ROBO2: variants seen among roughly 807,000 people sequenced by gnomAD.
The protein encoded by ROBO2 is roundabout guidance receptor 2.
Under a neutral mutation model 160.8 loss-of-function variants are expected in ROBO2, and 53 were observed. The observed-to-expected ratio is 0.33, with a 90% CI of 0.26 to 0.41. The LOEUF (loss-of-function observed/expected upper bound fraction) is 0.41. Ranked by LOEUF, ROBO2 falls within the 10% of genes least tolerant of loss-of-function variation. ROBO2 has a pLI of 1.00. For synonymous variants in ROBO2, 664 were observed against 611.7 expected (o/e 1.09, Z -1.26); for missense variants, 1,577 against 1,722.4 (o/e 0.92, Z 1.49).
At chr3:77,158,179 T>C (rs1338558547) in intron 2 of ROBO2, among the ~76,000 whole-genome samples, 1 of 152,138 alleles carries the variant, frequency 6.6e-6, no homozygotes, top group East Asian at 1.9e-4. Context: ...GTGCATGTAT[T>C]GGACACCAGC....
At chr3:77,486,658 A>G (rs779602186) in intron 4 of ROBO2, among the ~76,000 whole-genome samples, 25 of 152,098 alleles carry the variant, frequency 1.6e-4, no homozygotes, top group Non-Finnish European at 2.9e-4. Context: ...GTACATCTGG[A>G]TATTAGACCT....
At chr3:76,400,628 C>T (rs2077757553) in intron 2 of ROBO2, among the ~76,000 whole-genome samples, 1 of 151,498 alleles carries the variant, frequency 6.6e-6, no homozygotes. Context: ...AGCAAGATAT[C>T]AGAAGGCTAC....
chr3:76,626,333 AG>A (rs2089639610), intron 2 of ROBO2, among the ~76,000 whole-genome samples: 1 of 152,162 alleles, frequency 6.6e-6, no homozygotes. Context: ...TAAACTGGGA[AG>A]TTTCCAGTAT....
intron 2 of ROBO2, among the ~76,000 whole-genome samples, chr3:76,674,660 CACAA>C (rs1223720146): frequency 2.7e-5 from 4 of 149,758 alleles, no homozygotes; most frequent in East Asian, 4.0e-4. Flanking sequence ...AATTAAATAG[CACAA>C]ACAAACAGTG....
In ROBO2 at chr3:77,321,340, G is replaced by T. The variant is rs183989653; in HGVS notation, c.389-156074G>T. 1.6e-3 allele frequency among the ~76,000 whole-genome samples: 242 copies of T among 152,106 alleles called. 4 individuals carry two copies. The highest frequency in any genetic ancestry group is 2.1e-3 in the Non-Finnish European group (144 of 67,986). ...AAGATCCGCCTGGGCAACACAGGGAGACCCCATCTCCACAAAATATTAAGA... is the reference window on the plus strand; with the variant it reads ...AAGATCCGCCTGGGCAACACAGGGATACCCCATCTCCACAAAATATTAAGA... On this transcript the variant is annotated intron_variant, in intron 2 of 25. Coordinates refer to ENST00000461745, the Ensembl canonical transcript of ROBO2.
At chr3:77,576,016 C>A (rs944566909) in intron 14 of ROBO2, among the ~76,000 whole-genome samples, 1 of 151,994 alleles carries the variant, frequency 6.6e-6, no homozygotes, top group Non-Finnish European at 1.5e-5. Context: ...ATCTGTAGAA[C>A]GAAGCTGAGT....
chr3:76,154,332 C>T (rs2072321554), intron 2 of ROBO2, among the ~76,000 whole-genome samples: 1 of 152,044 alleles, frequency 6.6e-6, no homozygotes, highest in South Asian at 2.1e-4. Flanking sequence ...TATATTTGTG[C>T]AGCCATGAAG....
intron 24 of ROBO2, among the ~76,000 whole-genome samples, chr3:77,642,396 C>A (rs2095361890): frequency 6.6e-6 from 1 of 152,110 alleles, no homozygotes; most frequent in Non-Finnish European, 1.5e-5. Context: ...GCCCTTTACA[C>A]CTTGAATGAT....
intron 2 of ROBO2, among the ~76,000 whole-genome samples, chr3:77,284,962 C>T (rs777566650): frequency 3.9e-5 from 6 of 152,240 alleles, no homozygotes; most frequent in Admixed American, 2.0e-4. Flanking sequence ...TCAAGATTAA[C>T]GCTTTTGTGT....
intron 2 of ROBO2, among the ~76,000 whole-genome samples, chr3:76,806,214 C>CGTGTGTGTGTGTGTGTGT (rs71104623): frequency 4.1e-5 from 6 of 146,276 alleles, no homozygotes; most frequent in African/African-American, 1.5e-4. Flanking sequence ...TTTCTGTGTG[C>CGTGTGTGTGTGTGTGTGT]GTGTGTGTGT....
At chr3:76,647,050 C>T (rs2091005571) in intron 2 of ROBO2, among the ~76,000 whole-genome samples, 1 of 152,052 alleles carries the variant, frequency 6.6e-6, no homozygotes, top group African/African-American at 2.4e-5. Context: ...GAGACTCTGA[C>T]CTTGAAAAAG....
chr3:76,006,146 T>C (rs2066014254), intron 2 of ROBO2, among the ~76,000 whole-genome samples: 1 of 152,106 alleles, frequency 6.6e-6, no homozygotes, highest in Admixed American at 6.5e-5. Context: ...ATTTTGAGAG[T>C]ACTATGTTTT....
chr3:77,371,578 G>C (rs2071760480), intron 2 of ROBO2, among the ~76,000 whole-genome samples: 1 of 152,130 alleles, frequency 6.6e-6, no homozygotes, highest in Non-Finnish European at 1.5e-5. Context: ...AGTAACACAG[G>C]CAAATTTTGA....
chr3:77,218,523 C>A (rs2085286525), intron 2 of ROBO2, among the ~76,000 whole-genome samples: 1 of 152,042 alleles, frequency 6.6e-6, no homozygotes, highest in African/African-American at 2.4e-5. Context: ...CAGGCACCCA[C>A]AAGCATGCCT....
At chr3:77,478,802 A>G (rs73103674) in intron 3 of ROBO2, among the ~76,000 whole-genome samples, 17,479 of 152,246 alleles carry the variant, frequency 0.11, 1,099 homozygotes, top group East Asian at 0.21. Flanking sequence ...TTACAACATA[A>G]AACAGAACTA....
chr3:77,508,931 C>T (rs1270461514), intron 5 of ROBO2, among the ~76,000 whole-genome samples: 1 of 151,910 alleles, frequency 6.6e-6, no homozygotes, highest in Non-Finnish European at 1.5e-5. Flanking sequence ...TTTCTCAACT[C>T]TCATAAGTTT....
At chr3:76,503,002 G>A (rs979111437) in intron 2 of ROBO2, among the ~76,000 whole-genome samples, 36 of 147,756 alleles carry the variant, frequency 2.4e-4, no homozygotes, top group South Asian at 6.4e-4. Context: ...ATATATATAT[G>A]TGTGTGTGTG....
At chr3:77,160,169 A>T (rs906394399) in intron 2 of ROBO2, among the ~76,000 whole-genome samples, 1 of 152,166 alleles carries the variant, frequency 6.6e-6, no homozygotes, top group African/African-American at 2.4e-5. Context: ...AAGGGCAACT[A>T]TACAAAACAC....
chr3:76,150,360 A>T (rs2072129858), intron 2 of ROBO2, among the ~76,000 whole-genome samples: 1 of 151,398 alleles, frequency 6.6e-6, no homozygotes, highest in Non-Finnish European at 1.5e-5. Context: ...CATCTGTCTA[A>T]AACACACATC....
Sources: gnomAD v4.1 joint callset for allele counts (sites outside exome capture counted in the v4.1 genomes callset) on GRCh38, gnomAD v4.1.1 for gene constraint, MANE v1.5 for transcripts, NCBI Gene and HGNC (gene_info 2026-07-23, HGNC 2026-07-21) for gene names.